Variants in MTHFD1L observed in about 807,000 individuals in gnomAD.
The protein encoded by MTHFD1L is methylenetetrahydrofolate dehydrogenase (NADP+ dependent) 1 like, also known as monofunctional C1-tetrahydrofolate synthase, mitochondrial.
MTHFD1L carries 81 observed loss-of-function variants against 119.5 expected under a neutral mutation model. The observed-to-expected ratio is 0.68, with a 90% CI of 0.57 to 0.82. The LOEUF is 0.82. Among genes scored for constraint, MTHFD1L ranks in the 40% least tolerant of loss-of-function variants. The pLI is 0.00. For synonymous variants in MTHFD1L, 430 were observed against 475.2 expected, an observed-to-expected ratio of 0.90 and a Z score of 1.24; for missense variants, 1,125 against 1,253.4, an observed-to-expected ratio of 0.90 and a Z score of 1.55.
intron 26 of MTHFD1L, among the ~76,000 whole-genome samples, chr6:151,055,311 G>A (rs183324722): frequency 6.6e-6 from 1 of 152,090 alleles, no homozygotes; most frequent in East Asian, 1.9e-4. Context: ...GCACTTACTA[G>A]GTGCCAGCTA....
intron 26 of MTHFD1L, among the ~76,000 whole-genome samples, chr6:151,069,815 C>T (rs1791757452): frequency 6.6e-6 from 1 of 152,194 alleles, no homozygotes; most frequent in Non-Finnish European, 1.5e-5. Context: ...TCACCCCAGC[C>T]ACCATTTCAG....
At chr6:150,868,453 C>T (rs1043353364) in intron 1 of MTHFD1L, among the ~76,000 whole-genome samples, 2 of 151,762 alleles carry the variant, frequency 1.3e-5, no homozygotes, top group African/African-American at 4.8e-5. Flanking sequence ...GATTCCCCTG[C>T]CTCAGCCTCC....
In MTHFD1L at chr6:150,876,188, A is replaced by G. The variant is rs1338993858; in HGVS notation, c.312+14A>G. 6.4e-7 allele frequency: 1 copy of G among 1,561,412 alleles called. No homozygotes were observed. The highest frequency in any genetic ancestry group is 1.4e-5 in the African/African-American group (1 of 72,680). ...GCAATTATCCAGGTAAGCCGAGAAC[A>G]AGGTTCAGTCCTACTATTTTAGGAT... On this transcript the variant is annotated intron_variant, in intron 2 of 27. Coordinates refer to ENST00000367321, the MANE Select transcript of MTHFD1L (RefSeq NM_015440.5).
intron 4 of MTHFD1L, among the ~76,000 whole-genome samples, chr6:150,879,212 C>G (rs1351369113): frequency 1.3e-5 from 2 of 152,144 alleles, no homozygotes; most frequent in Admixed American, 1.3e-4. Flanking sequence ...GTAACAAATA[C>G]CTATGATACC....
chr6:150,872,009 C>T (rs1347714506), intron 1 of MTHFD1L, among the ~76,000 whole-genome samples: 3 of 151,752 alleles, frequency 2.0e-5, no homozygotes, highest in Non-Finnish European at 4.4e-5. Context: ...TCCCGAGTAG[C>T]TGGGATTATA....
At chr6:151,037,240 A>G in intron 26 of MTHFD1L, 123 bp downstream of exon 26, 1 of 1,039,570 alleles carries the variant, frequency 9.6e-7, no homozygotes, top group South Asian at 1.6e-5. Flanking sequence ...AATTAATAGT[A>G]CAGTATTCGC....
chr6:151,027,123 C>G (rs1449107634), intron 24 of MTHFD1L, among the ~76,000 whole-genome samples: 1 of 152,086 alleles, frequency 6.6e-6, no homozygotes, highest in Non-Finnish European at 1.5e-5. Context: ...GCCACCGCAC[C>G]AGGCCTCCTG....
Position 150,989,831 on chromosome 6 carries a change from C to A in MTHFD1L, c.2125+17773C>A, listed in dbSNP as rs191303063. Among the ~76,000 whole-genome samples, 5 of 152,260 alleles carry A rather than the reference C, an allele frequency of 3.3e-5. No homozygotes were observed. The East Asian group carries it at 9.6e-4, about 29-fold the overall frequency. On this transcript the variant is annotated intron_variant, in intron 20 of 27. Coordinates refer to ENST00000367321, the MANE Select transcript of MTHFD1L (RefSeq NM_015440.5). ...TCATCCTTCCTCTGTCAAACTAACACCTAAATTACTATAAAATTACTATAC... is the reference window on the plus strand; with the variant it reads ...TCATCCTTCCTCTGTCAAACTAACAACTAAATTACTATAAAATTACTATAC...
chr6:150,866,012 G>C lies in MTHFD1L; in HGVS notation c.190G>C (p.Gly64Arg). ...CCAGGCCCGGAGCAGCTGCAGCCCC[G>C]GCGGCCGAACGCCCGCGGCGCGGGA... ...DGQARSSCSP[G>R]GRTPAARDSI... Residue 64 changes from glycine (G) to arginine (R), a missense_variant, in exon 1 of 28, where the codon GGC becomes CGC. Physicochemically the swap from Gly to Arg is moderately radical, Grantham distance 125 (BLOSUM62 -2). Around this residue, in one of 3 missense-constraint regions of MTHFD1L, gnomAD observed 1,058 missense variants for 1,151.2 expected, o/e 0.92. Transcript: ENST00000367321. 7.2e-7 allele frequency: 1 copy of C among 1,389,462 alleles called. No individual in the cohort carries two copies. Among genetic ancestry groups the C allele is most frequent in the Non-Finnish European group, 9.3e-7 (1 of 1,076,830 alleles). The allele number at this position is 1,389,462 out of a possible 1,614,324, so 86.1% of individuals were successfully genotyped here.
chr6:151,090,889 G>A (rs1450292767), intron 26 of MTHFD1L, among the ~76,000 whole-genome samples: 1 of 133,708 alleles, frequency 7.5e-6, no homozygotes, highest in Admixed American at 7.7e-5. Flanking sequence ...ACTGGGTGCA[G>A]CATTGCCCCA....
chr6:150,934,030 C>A (rs536643095), intron 11 of MTHFD1L, among the ~76,000 whole-genome samples: 1 of 152,228 alleles, frequency 6.6e-6, no homozygotes. Flanking sequence ...TTTTCTCACT[C>A]GGTGCACTGT....
chr6:151,020,651 T>C (rs1783823647), intron 24 of MTHFD1L, among the ~76,000 whole-genome samples: 2 of 152,138 alleles, frequency 1.3e-5, no homozygotes, highest in Non-Finnish European at 2.9e-5. Context: ...TGTGTGAAAA[T>C]GAATGTGTTT....
intron 12 of MTHFD1L, 44 bp downstream of exon 12, chr6:150,936,984 G>A (rs768177741): frequency 2.5e-6 from 4 of 1,600,788 alleles, no homozygotes; most frequent in Non-Finnish European, 3.4e-6. Context: ...GCAAAGTTGG[G>A]GGGAGAGAAT....
intron 1 of MTHFD1L, chr6:150,866,323 G>A (rs1441935663): frequency 2.1e-6 from 3 of 1,457,400 alleles, no homozygotes; most frequent in Non-Finnish European, 2.7e-6. Context: ...TGGACCGCAC[G>A]CCCGGCTCCA....
At chr6:150,906,424 G>T (rs1401135060) in intron 8 of MTHFD1L, among the ~76,000 whole-genome samples, 1 of 152,242 alleles carries the variant, frequency 6.6e-6, no homozygotes, top group East Asian at 1.9e-4. Context: ...TCCAGCAGGA[G>T]CCGGCCCAGA....
At chr6:151,082,517 A>G (rs1793295330) in intron 26 of MTHFD1L, among the ~76,000 whole-genome samples, 1 of 152,220 alleles carries the variant, frequency 6.6e-6, no homozygotes, top group African/African-American at 2.4e-5. Flanking sequence ...TTAGGGAACA[A>G]TCTCATAATA....
chr6:150,968,846 CTTTTTTT>C (rs145806257), intron 19 of MTHFD1L, among the ~76,000 whole-genome samples: 14 of 108,520 alleles, frequency 1.3e-4, no homozygotes, highest in South Asian at 3.1e-4. Context: ...TTAAATAATT[CTTTTTTT>C]TTTTTTTTTT....
chr6:150,954,967 ACCATTCAC>A (rs770209770), intron 16 of MTHFD1L, among the ~76,000 whole-genome samples: 54 of 152,184 alleles, frequency 3.5e-4, no homozygotes, highest in Middle Eastern at 3.4e-3. Context: ...TGCTCTATTC[ACCATTCAC>A]CCCCGCCACC....
chr6:150,915,375 G>T (rs1038953472), intron 8 of MTHFD1L, among the ~76,000 whole-genome samples: 2 of 151,992 alleles, frequency 1.3e-5, no homozygotes, highest in Non-Finnish European at 2.9e-5. Flanking sequence ...ACACATTGCT[G>T]AAAACTTTAG....
Sources: gnomAD v4.1 joint callset for allele counts (sites outside exome capture counted in the v4.1 genomes callset) on GRCh38, gnomAD v4.1.1 for gene constraint, gnomAD v4.1.1 regional missense constraint, MANE v1.5 for transcripts, NCBI Gene and HGNC (gene_info 2026-07-23, HGNC 2026-07-21) for gene names.